GOLM1: variants seen among roughly 807,000 people sequenced by gnomAD.
GOLM1 encodes the protein golgi membrane protein 1, also known as epididymis luminal protein 46.
Under a neutral mutation model 50.5 loss-of-function variants are expected in GOLM1, and 31 were observed. The observed-to-expected ratio is 0.61, with a 90% CI of 0.46 to 0.83. The LOEUF (loss-of-function observed/expected upper bound fraction) is 0.83, where lower values mean the gene tolerates loss of function less well. Among genes scored for constraint, GOLM1 ranks in the 40% least tolerant of loss-of-function variants. GOLM1 has a pLI of 0.00. For synonymous variants in GOLM1, 178 were observed against 192.8 expected (o/e 0.92, Z 0.64); for missense variants, 491 against 501.3 (o/e 0.98, Z 0.20).
In GOLM1 at chr9:86,026,480, G is replaced by A; in HGVS notation, c.*1337C>T. The stretch of plus-strand genomic sequence containing the variant: ...TACTCGGGAGTCTGTGTGAGGCCAG[G>A]GGTGCCAGCGCACCAGCTAGATGCT... On this transcript the variant is annotated 3_prime_UTR_variant, in exon 10 of 10. Transcript: ENST00000388712. 1.1e-6 allele frequency: 1 copy of A among 928,136 alleles called. No homozygotes were observed. The highest frequency in any genetic ancestry group is 1.3e-6 in the Non-Finnish European group (1 of 777,774). 57.5% of individuals were successfully genotyped at this position (928,136 alleles called of 1,614,324 possible).
At chr9:86,092,547 C>A (rs113990583) in intron 1 of GOLM1, among the ~76,000 whole-genome samples, 3 of 152,370 alleles carry the variant, frequency 2.0e-5, no homozygotes, top group African/African-American at 7.2e-5. Flanking sequence ...CCCTCACTGT[C>A]ACCCAGTGCT....
At chr9:86,043,183 C>T (rs571985157) in intron 5 of GOLM1, among the ~76,000 whole-genome samples, 5 of 152,242 alleles carry the variant, frequency 3.3e-5, no homozygotes, top group South Asian at 2.1e-4. Flanking sequence ...AGATGGCGAG[C>T]GGTTCATCTC....
chr9:86,082,973 T>C (rs1587736477), intron 1 of GOLM1, among the ~76,000 whole-genome samples: 1 of 152,366 alleles, frequency 6.6e-6, no homozygotes, highest in East Asian at 1.9e-4. Context: ...AGTAGCACAT[T>C]ATGGTTTGCT....
chr9:86,053,669 ACGGCAC>A (rs1833884294), intron 3 of GOLM1, among the ~76,000 whole-genome samples: 1 of 35,320 alleles, frequency 2.8e-5, no homozygotes, highest in Non-Finnish European at 4.4e-5. Context: ...CACTCCACAC[ACGGCAC>A]ACCACTCCAC....
intron 1 of GOLM1, among the ~76,000 whole-genome samples, chr9:86,088,119 T>C (rs1001860196): frequency 2.6e-5 from 4 of 152,052 alleles, no homozygotes; most frequent in Non-Finnish European, 5.9e-5. Flanking sequence ...ATTTCAGAAC[T>C]TGTTATTGGT....
chr9:86,028,842 CTTTTTTTTTTTTT>C (rs35054627), intron 9 of GOLM1, among the ~76,000 whole-genome samples: 2 of 106,822 alleles, frequency 1.9e-5, no homozygotes, highest in Non-Finnish European at 3.7e-5. Flanking sequence ...GATAAGGGAA[CTTTTTTTTTTTTT>C]TTTTTTTTTT....
At chr9:86,095,407 TCC>T (rs1835328551) in intron 1 of GOLM1, among the ~76,000 whole-genome samples, 1 of 136,180 alleles carries the variant, frequency 7.3e-6, no homozygotes, top group Non-Finnish European at 1.5e-5. Context: ...TTTTGTATTT[TCC>T]CTTTTTTTTT....
chr9:86,039,916 T>C (rs573725543), intron 6 of GOLM1, among the ~76,000 whole-genome samples: 157 of 148,078 alleles, frequency 1.1e-3, no homozygotes, highest in African/African-American at 3.7e-3. Flanking sequence ...TGCAGTGAGC[T>C]GAGATCGCGC....
At chr9:86,093,611 A>T (rs1002150145) in intron 1 of GOLM1, among the ~76,000 whole-genome samples, 1 of 144,726 alleles carries the variant, frequency 6.9e-6, no homozygotes, top group Non-Finnish European at 1.5e-5. Context: ...AAAGGAAAAA[A>T]CTGCATATTC....
intron 3 of GOLM1, among the ~76,000 whole-genome samples, chr9:86,054,677 A>G (rs1833934746): frequency 6.6e-6 from 1 of 152,172 alleles, no homozygotes; most frequent in Non-Finnish European, 1.5e-5. Context: ...TGCTCCAGAG[A>G]GCAAGTTCTT....
intron 3 of GOLM1, among the ~76,000 whole-genome samples, chr9:86,060,901 AAAAAAAAAAAAAAG>A (rs1185274556): frequency 0.022 from 1,716 of 79,686 alleles, 113 homozygotes; most frequent in African/African-American, 0.048. Context: ...AAAAAAAAAA[AAAAAAAAAAAAAAG>A]AAGAAGAAGA....
chr9:86,039,127 G>A (rs1015333690), intron 6 of GOLM1, among the ~76,000 whole-genome samples: 4 of 152,092 alleles, frequency 2.6e-5, no homozygotes, highest in African/African-American at 9.7e-5. Context: ...ATTAAAAAAT[G>A]AGCAAAGGAC....
intron 3 of GOLM1, among the ~76,000 whole-genome samples, chr9:86,054,226 C>T (rs1218088464): frequency 6.6e-6 from 1 of 151,800 alleles, no homozygotes; most frequent in African/African-American, 2.4e-5. Context: ...CACTTTATGC[C>T]AGGAGCTCTT....
rs573585835 is a variant in GOLM1, at chr9:86,085,964, T to C, written c.-21-6623A>G. On this transcript the variant is annotated intron_variant, in intron 1 of 9. Coordinates refer to ENST00000388712, the MANE Select transcript of GOLM1 (RefSeq NM_016548.4). ...GTGTGCATGTGTCTTTATAGAATGA[T>C]TTATAATCCTTTGGGTATATACCCA... 1.4e-4 allele frequency among the ~76,000 whole-genome samples: 21 copies of C among 152,350 alleles called. 1 individual carries two copies. The South Asian group carries it at 4.4e-3, about 32-fold the overall frequency.
At chr9:86,038,016 T>C (rs935124675) in intron 6 of GOLM1, among the ~76,000 whole-genome samples, 9 of 151,862 alleles carry the variant, frequency 5.9e-5, no homozygotes, top group African/African-American at 1.9e-4. Flanking sequence ...TAGCCAGGTG[T>C]GGTAGCGCAT....
intron 3 of GOLM1, among the ~76,000 whole-genome samples, chr9:86,058,570 C>T (rs2118772563): frequency 6.6e-6 from 1 of 151,964 alleles, no homozygotes; most frequent in African/African-American, 2.4e-5. Context: ...GTGGTATGTG[C>T]CTGTAGTCCC....
Position 86,026,917 on chromosome 9 carries a change from T to C in GOLM1, c.*900A>G, listed in dbSNP as rs914110563. 5 of 984,920 alleles carry C rather than the reference T, an allele frequency of 5.1e-6. No homozygotes were observed. The African/African-American group carries it at 5.2e-5, about 10-fold the overall frequency. 61.0% of individuals were successfully genotyped at this position (984,920 alleles called of 1,614,324 possible). A position where few individuals can be genotyped will look rare whatever the true frequency, so the allele number is the denominator to read the frequency against. ...TATATCCTTCGACATCAATGAACTT[T>C]GTTTTCTTTTACTCCAGTAATAAAG... On this transcript the variant is annotated 3_prime_UTR_variant, in exon 10 of 10. Transcript: ENST00000388712.
chr9:86,071,421 G>A (rs1032840132), intron 3 of GOLM1, among the ~76,000 whole-genome samples: 4 of 152,014 alleles, frequency 2.6e-5, no homozygotes, highest in African/African-American at 4.8e-5. Context: ...GCTCATGCCT[G>A]TAATCCCAGC....
At chr9:86,099,932 A>T (rs1835487472), upstream of GOLM1, 1 of 152,366 alleles carries the variant, frequency 6.6e-6, no homozygotes. Flanking sequence ...CCAGCGCCAC[A>T]CTCACGTTAC....
Sources: gnomAD v4.1 joint callset for allele counts (sites outside exome capture counted in the v4.1 genomes callset) on GRCh38, gnomAD v4.1.1 for gene constraint, MANE v1.5 for transcripts, NCBI Gene and HGNC (gene_info 2026-07-23, HGNC 2026-07-21) for gene names.